The following PCDHA2 variants were observed in gnomAD, a reference collection of about 807,000 sequenced individuals.
The protein encoded by PCDHA2 is protocadherin alpha 2.
Under a neutral mutation model 66.0 loss-of-function variants are expected in PCDHA2, and 58 were observed. The ratio of observed to expected loss-of-function variants is 0.88; its 90% CI spans 0.71 to 1.09. The LOEUF (loss-of-function observed/expected upper bound fraction) is 1.09, where lower values mean the gene tolerates loss of function less well. Ranked by LOEUF, PCDHA2 falls within the 50% of genes least tolerant of loss-of-function variation. The pLI, the probability that PCDHA2 is intolerant of heterozygous loss-of-function variation, is 0.00. For synonymous variants in PCDHA2, 634 were observed against 554.0 expected (o/e 1.14, Z -2.03); for missense variants, 1,267 against 1,242.3 (o/e 1.02, Z -0.30).
At chr5:140,901,766 A>T (rs2068897184) in intron 1 of PCDHA2, among the ~76,000 whole-genome samples, 1 of 152,188 alleles carries the variant, frequency 6.6e-6, no homozygotes, top group Admixed American at 6.5e-5. Flanking sequence ...CAGGGATTGC[A>T]TTGAATTTGT....
In PCDHA2 at chr5:140,823,487, G is replaced by C. The variant is rs150930880; in HGVS notation, c.2388+26135G>C. The C allele has an allele frequency of 9.5e-5, 154 of 1,613,262 alleles. No homozygotes were observed. In the African/African-American group the frequency reaches 1.7e-3, roughly 18 times the overall value. On this transcript the variant is annotated intron_variant, in intron 1 of 3. Transcript: ENST00000526136. ...GCGCTGCTGGTGCCTCGAGTGGGTG[G>C]CACCGGCGGCGCAGTGAGCGAGCTG...
chr5:140,858,781 T>C, intron 1 of PCDHA2: 1 of 406,616 alleles, frequency 2.5e-6, no homozygotes, highest in Non-Finnish European at 4.5e-6. Flanking sequence ...TAGTACTTCA[T>C]GTTATTTCAT....
At chr5:140,979,035 G>A in intron 2 of PCDHA2, 28 bp downstream of exon 2, 1 of 1,612,986 alleles carries the variant, frequency 6.2e-7, no homozygotes, top group Non-Finnish European at 8.5e-7. Flanking sequence ...CATTCACTCA[G>A]AAGTAACCTT....
intron 3 of PCDHA2, among the ~76,000 whole-genome samples, chr5:140,992,399 A>G (rs1276372325): frequency 1.3e-5 from 2 of 152,138 alleles, no homozygotes; most frequent in Admixed American, 6.6e-5. Context: ...ACTTAGAGAT[A>G]TTGTTCTGCC....
intron 1 of PCDHA2, among the ~76,000 whole-genome samples, chr5:140,899,726 T>A (rs1406076879): frequency 6.6e-6 from 1 of 152,236 alleles, no homozygotes; most frequent in East Asian, 1.9e-4. Flanking sequence ...CCTCTTTTTC[T>A]ATTGATTGGA....
intron 1 of PCDHA2, chr5:140,928,001 A>T (rs1252162846): frequency 6.2e-7 from 1 of 1,614,034 alleles, no homozygotes; most frequent in Non-Finnish European, 8.5e-7. Flanking sequence ...GAAGACCTCG[A>T]TTCTAATGGT....
At chr5:140,826,005 A>T (rs1231203502) in intron 1 of PCDHA2, among the ~76,000 whole-genome samples, 1 of 152,152 alleles carries the variant, frequency 6.6e-6, no homozygotes, top group African/African-American at 2.4e-5. Context: ...AATAGTCCAC[A>T]CTTTACATGA....
At chr5:140,825,512 C>G (rs1351857242) in intron 1 of PCDHA2, 1 of 150,882 alleles carries the variant, frequency 6.6e-6, no homozygotes, top group Non-Finnish European at 1.5e-5. Context: ...ACAATCTTGG[C>G]CTCCCAGGTT....
chr5:140,827,336 A>G lies in PCDHA2; in HGVS notation c.2388+29984A>G, dbSNP rs2150147176. On this transcript the variant is annotated intron_variant, in intron 1 of 3. Coordinates refer to ENST00000526136, the MANE Select transcript of PCDHA2 (RefSeq NM_018905.3). ...AATTCCACTAGAATTTGAAGTGGTG[A>G]AGTATATGAAAAGAAAATATTTTAA... Among the ~76,000 whole-genome samples the G allele has an allele frequency of 1.1e-4, 16 of 152,330 alleles. No homozygotes were observed. The South Asian group carries it at 2.3e-3, about 22-fold the overall frequency.
At chr5:140,843,133 C>A (rs2150353566) in intron 1 of PCDHA2, 4 of 1,595,862 alleles carry the variant, frequency 2.5e-6, no homozygotes, top group African/African-American at 2.7e-5. Context: ...CGGGCTACAA[C>A]GCGTGGCTTT....
At chr5:140,843,759 A>T in intron 1 of PCDHA2, 1 of 1,499,994 alleles carries the variant, frequency 6.7e-7, no homozygotes. Flanking sequence ...TATTTGTGGA[A>T]ATTGTAGTTA....
intron 1 of PCDHA2, chr5:140,928,374 C>T (rs782659188): frequency 6.2e-7 from 1 of 1,614,172 alleles, no homozygotes; most frequent in Non-Finnish European, 8.5e-7. Flanking sequence ...GGCCATCAGC[C>T]TCTAGCTTGC....
chr5:140,891,009 A>G (rs2062900955), intron 1 of PCDHA2, among the ~76,000 whole-genome samples: 1 of 151,934 alleles, frequency 6.6e-6, no homozygotes, highest in South Asian at 2.1e-4. Flanking sequence ...ATTGAAAAGC[A>G]TTTTTTCTGA....
Position 140,853,567 on chromosome 5 carries a change from T to C in PCDHA2, c.2388+56215T>C. 2 of 981,210 alleles carry C rather than the reference T, an allele frequency of 2.0e-6. 1 individual carries two copies. The highest frequency in any genetic ancestry group is 3.5e-5 in the African/African-American group (2 of 56,602). The allele number at this position is 981,210 out of a possible 1,614,324, so 60.8% of individuals were successfully genotyped here. A position where few individuals can be genotyped will look rare whatever the true frequency, so the allele number is the denominator to read the frequency against. On this transcript the variant is annotated intron_variant, in intron 1 of 3. Transcript: ENST00000526136. ...TAATTACTATATAGGAAAAACTAAGTTGTCACCCAATATCTTAGACACTTT... is the reference window on the plus strand; with the variant it reads ...TAATTACTATATAGGAAAAACTAAGCTGTCACCCAATATCTTAGACACTTT...
intron 1 of PCDHA2, among the ~76,000 whole-genome samples, chr5:140,936,829 CTA>C (rs1370139349): frequency 5.9e-5 from 9 of 152,026 alleles, no homozygotes; most frequent in African/African-American, 1.7e-4. Flanking sequence ...CTTTGCATTT[CTA>C]TATAAATTGT....
intron 1 of PCDHA2, chr5:140,926,589 G>A: frequency 3.4e-6 from 1 of 292,780 alleles, no homozygotes; most frequent in Non-Finnish European, 6.2e-6. Context: ...TCTCGCGCCC[G>A]GGCGGGCGGC....
chr5:140,915,863 A>C (rs1424465325), intron 1 of PCDHA2, among the ~76,000 whole-genome samples: 1 of 152,172 alleles, frequency 6.6e-6, no homozygotes, highest in Non-Finnish European at 1.5e-5. Context: ...CCAAGTTTGC[A>C]TCCTTCCCTT....
intron 1 of PCDHA2, chr5:140,803,317 T>C: frequency 6.2e-7 from 1 of 1,614,124 alleles, no homozygotes; most frequent in Non-Finnish European, 8.5e-7. Flanking sequence ...ATCTGCGCGG[T>C]GTCCAGTCTG....
chr5:140,968,564 G>C (rs565573880), intron 1 of PCDHA2: 1 of 1,614,168 alleles, frequency 6.2e-7, no homozygotes, highest in South Asian at 1.1e-5. Context: ...AACTGCCCCT[G>C]CTGGCTACCT....
Sources: allele counts gnomAD v4.1 joint callset (sites outside exome capture counted in the v4.1 genomes callset), GRCh38; gene constraint gnomAD v4.1.1; transcripts MANE v1.5; gene names NCBI Gene and HGNC (gene_info 2026-07-23, HGNC 2026-07-21).